CDH12: variants seen among roughly 807,000 people sequenced by gnomAD.
The protein encoded by CDH12 is cadherin-12.
A neutral mutation model predicts 74.1 loss-of-function variants in CDH12; 41 were observed. That is an observed-to-expected ratio of 0.55 (90% CI 0.43 to 0.72). CDH12 has a LOEUF of 0.72. CDH12 is among the 30% of genes least tolerant of loss of function. The pLI, the probability that CDH12 is intolerant of heterozygous loss-of-function variation, is 0.00. For missense variants in CDH12, 945 were observed against 977.2 expected (o/e 0.97, Z 0.44); for synonymous variants, 399 against 355.0 (o/e 1.12, Z -1.39).
chr5:22,011,093 A>G (rs1380260004), intron 5 of CDH12, among the ~76,000 whole-genome samples: 1 of 152,148 alleles, frequency 6.6e-6, no homozygotes, highest in African/African-American at 2.4e-5. Context: ...TTTCGAGGGA[A>G]ATAACCATAA....
chr5:21,978,992 A>G (rs1757190468), intron 5 of CDH12, among the ~76,000 whole-genome samples: 1 of 152,186 alleles, frequency 6.6e-6, no homozygotes, highest in Admixed American at 6.5e-5. Flanking sequence ...CAAAGAAGGA[A>G]GGAGGGCTAC....
intron 2 of CDH12, among the ~76,000 whole-genome samples, chr5:22,457,156 A>G (rs753842849): frequency 3.5e-4 from 53 of 152,096 alleles, no homozygotes; most frequent in Non-Finnish European, 6.3e-4. Flanking sequence ...AAGTGCCCCA[A>G]TAATTGCCAG....
intron 1 of CDH12, among the ~76,000 whole-genome samples, chr5:22,758,441 A>G (rs948077145): frequency 1.3e-5 from 2 of 152,184 alleles, no homozygotes; most frequent in Non-Finnish European, 2.9e-5. Context: ...GCAAACAAAC[A>G]AAAATCATTC....
chr5:21,914,465 T>G (rs940334792), intron 6 of CDH12, among the ~76,000 whole-genome samples: 1 of 152,166 alleles, frequency 6.6e-6, no homozygotes, highest in Non-Finnish European at 1.5e-5. Flanking sequence ...TTTATACACA[T>G]ATATACACAC....
chr5:22,831,771 G>C (rs1033536092), intron 1 of CDH12, among the ~76,000 whole-genome samples: 1 of 151,790 alleles, frequency 6.6e-6, no homozygotes, highest in South Asian at 2.1e-4. Flanking sequence ...GGTGGCGAGC[G>C]CCTGTAATCC....
intron 1 of CDH12, among the ~76,000 whole-genome samples, chr5:22,605,314 A>T (rs149443310): frequency 3.9e-5 from 6 of 152,090 alleles, no homozygotes; most frequent in Non-Finnish European, 5.9e-5. Context: ...CTCTATATAC[A>T]TTCTATTAGT....
chr5:21,944,769 T>C (rs1445659710), intron 6 of CDH12, among the ~76,000 whole-genome samples: 1 of 152,128 alleles, frequency 6.6e-6, no homozygotes, highest in Non-Finnish European at 1.5e-5. Context: ...AGTGAGGTTA[T>C]TTTTTCACTT....
chr5:22,647,760 C>A (rs1487184031), intron 1 of CDH12, among the ~76,000 whole-genome samples: 1 of 151,816 alleles, frequency 6.6e-6, no homozygotes, highest in East Asian at 1.9e-4. Flanking sequence ...ACTAATTTTT[C>A]TATTGCAGAT....
intron 1 of CDH12, among the ~76,000 whole-genome samples, chr5:22,547,164 T>G (rs1247115519): frequency 6.6e-6 from 1 of 152,146 alleles, no homozygotes; most frequent in Non-Finnish European, 1.5e-5. Flanking sequence ...TAAAACAAAC[T>G]CATGTAGCAA....
intron 4 of CDH12, among the ~76,000 whole-genome samples, chr5:22,130,971 G>C (rs1373712277): frequency 6.6e-6 from 1 of 151,730 alleles, no homozygotes; most frequent in Non-Finnish European, 1.5e-5. Context: ...CTTTATCTCA[G>C]CATCTTGTTT....
chr5:22,204,220 T>C (rs552094205), intron 4 of CDH12, among the ~76,000 whole-genome samples: 18 of 151,290 alleles, frequency 1.2e-4, no homozygotes, highest in Middle Eastern at 3.4e-3. Context: ...TCGCCCAGGC[T>C]GGCGTGCAGT....
At chr5:21,947,087 A>T (rs1755612718) in intron 6 of CDH12, among the ~76,000 whole-genome samples, 1 of 152,184 alleles carries the variant, frequency 6.6e-6, no homozygotes, top group African/African-American at 2.4e-5. Context: ...AACTGCTTTT[A>T]TTCCACCATG....
At chr5:21,820,953 T>C (rs944801097) in intron 8 of CDH12, among the ~76,000 whole-genome samples, 2 of 151,942 alleles carry the variant, frequency 1.3e-5, no homozygotes, top group African/African-American at 4.8e-5. Context: ...TCAATAAAAA[T>C]ATATATTTAC....
At chr5:21,860,097 T>C (rs1440172661) in intron 6 of CDH12, among the ~76,000 whole-genome samples, 1 of 152,032 alleles carries the variant, frequency 6.6e-6, no homozygotes, top group African/African-American at 2.4e-5. Context: ...TCATCATCTA[T>C]ACCAGCCACG....
intron 1 of CDH12, among the ~76,000 whole-genome samples, chr5:22,622,793 A>G (rs1738046954): frequency 6.6e-6 from 1 of 152,320 alleles, no homozygotes; most frequent in Non-Finnish European, 1.5e-5. Flanking sequence ...TCAATAGAAA[A>G]GAGGGAATCC....
intron 3 of CDH12, among the ~76,000 whole-genome samples, chr5:22,267,065 G>C (rs564220060): frequency 5.9e-5 from 9 of 152,010 alleles, no homozygotes; most frequent in Admixed American, 5.2e-4. Context: ...TTTATACTTT[G>C]GAAATGTTAA....
chr5:22,646,106 C>T (rs578158437), intron 1 of CDH12, among the ~76,000 whole-genome samples: 37 of 151,854 alleles, frequency 2.4e-4, no homozygotes, highest in African/African-American at 8.7e-4. Flanking sequence ...AAACAATAGG[C>T]TGCCCTACCA....
intron 5 of CDH12, among the ~76,000 whole-genome samples, chr5:22,016,528 TG>T (rs1365889883): frequency 1.6e-4 from 24 of 152,000 alleles, no homozygotes; most frequent in Non-Finnish European, 2.9e-4. Flanking sequence ...CCCAAGTAGC[TG>T]GGACTACAGG....
At chr5:22,036,563 T>C (rs1739202597) in intron 5 of CDH12, among the ~76,000 whole-genome samples, 1 of 152,158 alleles carries the variant, frequency 6.6e-6, no homozygotes, top group African/African-American at 2.4e-5. Context: ...TGAGTGTGTG[T>C]GTGCACGTGT....
Sources: allele counts gnomAD v4.1 joint callset (sites outside exome capture counted in the v4.1 genomes callset), GRCh38; gene constraint gnomAD v4.1.1; transcripts MANE v1.5; gene names NCBI Gene and HGNC (gene_info 2026-07-23, HGNC 2026-07-21).